Variants in KCNG3 observed in about 807,000 individuals in gnomAD.
KCNG3 encodes the protein voltage-gated potassium channel regulatory subunit KCNG3.
Under a neutral mutation model 29.0 loss-of-function variants are expected in KCNG3, and 15 were observed. The observed-to-expected ratio is 0.52, with a 90% confidence interval of 0.35 to 0.80. KCNG3 has a LOEUF of 0.80. KCNG3 is among the 30% of genes least tolerant of loss of function. KCNG3 has a pLI of 0.01. For missense variants in KCNG3, 512 were observed against 605.7 expected, an observed-to-expected ratio of 0.85 and a Z score of 1.62; for synonymous variants, 322 against 248.9, an observed-to-expected ratio of 1.29 and a Z score of -2.76.
the KCNG3 span, among the ~76,000 whole-genome samples, chr2:42,429,823 A>C: frequency 6.6e-6 from 1 of 152,192 alleles, no homozygotes; most frequent in South Asian, 2.1e-4. Flanking sequence ...CGAGTAGAGA[A>C]GATACGGGAA....
intron 1 of KCNG3, among the ~76,000 whole-genome samples, chr2:42,454,185 G>A (rs1369130372): frequency 6.6e-6 from 1 of 151,306 alleles, no homozygotes; most frequent in Non-Finnish European, 1.5e-5. Flanking sequence ...ATGCATAACA[G>A]TATGGAGGTT....
In KCNG3 at chr2:42,493,944, G is replaced by T. The variant is rs1244941634; in HGVS notation, c.-443C>A. On this transcript the variant is annotated 5_prime_UTR_variant, in exon 1 of 2. Transcript: ENST00000306078. ...GGCGCTCCCTGCGGCCGCGAATCCGGCGGCCGCCCCGCCGCCGTCCAGAGG... is the reference window on the plus strand; with the variant it reads ...GGCGCTCCCTGCGGCCGCGAATCCGTCGGCCGCCCCGCCGCCGTCCAGAGG... 1 of 155,034 alleles carries T rather than the reference G, an allele frequency of 6.5e-6. No homozygotes were observed. The highest frequency in any genetic ancestry group is 1.4e-5 in the Non-Finnish European group (1 of 70,180). 9.6% of individuals were successfully genotyped at this position (155,034 alleles called of 1,614,324 possible).
intron 1 of KCNG3, among the ~76,000 whole-genome samples, chr2:42,474,371 T>TA (rs1384333188): frequency 1.3e-5 from 2 of 151,604 alleles, no homozygotes; most frequent in Middle Eastern, 3.4e-3. Context: ...CTACTAAAAA[T>TA]ACAAAAATTA....
chr2:42,434,526 A>C, the KCNG3 span, among the ~76,000 whole-genome samples: 1 of 150,760 alleles, frequency 6.6e-6, no homozygotes, highest in Non-Finnish European at 1.5e-5. Flanking sequence ...TAAAAAATAA[A>C]CAAAGAAATA....
chr2:42,408,274 G>A, the KCNG3 span, among the ~76,000 whole-genome samples: 3 of 152,168 alleles, frequency 2.0e-5, no homozygotes, highest in Non-Finnish European at 2.9e-5. Flanking sequence ...CCACCTTCAG[G>A]CCACATAGGG....
chr2:42,417,774 C>G, the KCNG3 span, among the ~76,000 whole-genome samples: 11 of 152,026 alleles, frequency 7.2e-5, no homozygotes, highest in East Asian at 2.1e-3. Flanking sequence ...AGTTTGAGAC[C>G]AGCCTGGCCA....
chr2:42,389,992 G>A, the KCNG3 span, among the ~76,000 whole-genome samples: 3 of 152,200 alleles, frequency 2.0e-5, no homozygotes, highest in Non-Finnish European at 4.4e-5. Flanking sequence ...CAGTGCCAGA[G>A]ATTTAGAGAA....
chr2:42,448,786 G>C (rs1217202984), intron 1 of KCNG3, among the ~76,000 whole-genome samples: 2 of 152,064 alleles, frequency 1.3e-5, no homozygotes, highest in Non-Finnish European at 2.9e-5. Flanking sequence ...TCAAGAGATC[G>C]AGACCACAGT....
At chr2:42,452,949 T>C (rs546474383) in intron 1 of KCNG3, among the ~76,000 whole-genome samples, 1 of 152,202 alleles carries the variant, frequency 6.6e-6, no homozygotes, top group Non-Finnish European at 1.5e-5. Context: ...GCCGGGGTAA[T>C]TTTTGTATTT....
intron 1 of KCNG3, among the ~76,000 whole-genome samples, chr2:42,449,357 A>G (rs950291731): frequency 6.6e-6 from 1 of 152,078 alleles, no homozygotes; most frequent in African/African-American, 2.4e-5. Flanking sequence ...GTTTTATTGG[A>G]ACACAGCCAT....
At chr2:42,417,843 G>A in the KCNG3 span, among the ~76,000 whole-genome samples, 17 of 151,864 alleles carry the variant, frequency 1.1e-4, no homozygotes, top group Non-Finnish European at 8.8e-5. Flanking sequence ...TTGGTGGCGT[G>A]CGCCTGTAGT....
At chr2:42,485,777 T>C (rs956531111) in intron 1 of KCNG3, among the ~76,000 whole-genome samples, 6 of 152,282 alleles carry the variant, frequency 3.9e-5, no homozygotes, top group African/African-American at 1.4e-4. Context: ...AAACAACTTG[T>C]CTATATGTTA....
At chr2:42,479,541 G>A (rs1355267422) in intron 1 of KCNG3, among the ~76,000 whole-genome samples, 1 of 151,914 alleles carries the variant, frequency 6.6e-6, no homozygotes, top group Admixed American at 6.6e-5. Flanking sequence ...AGCCACTTGG[G>A]GGGCTGAGGC....
chr2:42,493,040 C>T lies in KCNG3; in HGVS notation c.462G>A (p.Leu154=), dbSNP rs1190434244. ...CCTCGAAGGTCCGCCGCATGCGCTC[C>T]AGCCAGCGCCTGGAGGGAGCCGCCT... ...GAEAAPSRRW[L]ERMRRTFEEP... is the part of the protein sequence containing the mutation. Residue 154 remains leucine, a synonymous_variant, in exon 1 of 2, where the codon CTG becomes CTA. Coordinates refer to ENST00000306078, the MANE Select transcript of KCNG3 (RefSeq NM_133329.6). 1 of 1,518,552 alleles carries T rather than the reference C, an allele frequency of 6.6e-7. No individual in the cohort carries two copies. The highest frequency in any genetic ancestry group is 1.2e-5 in the South Asian group (1 of 80,736). 94.1% of individuals were successfully genotyped at this position (1,518,552 alleles called of 1,614,324 possible). A position where few individuals can be genotyped will look rare whatever the true frequency, so the allele number is the denominator to read the frequency against.
At chr2:42,485,846 T>C (rs1673707469) in intron 1 of KCNG3, among the ~76,000 whole-genome samples, 1 of 152,238 alleles carries the variant, frequency 6.6e-6, no homozygotes, top group South Asian at 2.1e-4. Context: ...CAGATGTTAC[T>C]AGAAGGCAAA....
chr2:42,419,345 C>T, the KCNG3 span, among the ~76,000 whole-genome samples: 3 of 145,344 alleles, frequency 2.1e-5, no homozygotes, highest in Non-Finnish European at 4.5e-5. Flanking sequence ...TCAAGCGATT[C>T]TCCTGCCTCA....
At chr2:42,401,500 G>A in the KCNG3 span, among the ~76,000 whole-genome samples, 8 of 151,768 alleles carry the variant, frequency 5.3e-5, no homozygotes, top group East Asian at 1.9e-4. Context: ...GGAGTGCAGC[G>A]GTGCAATCAC....
At chr2:42,491,376 T>G (rs1250110621) in intron 1 of KCNG3, among the ~76,000 whole-genome samples, 2 of 152,212 alleles carry the variant, frequency 1.3e-5, no homozygotes, top group Non-Finnish European at 2.9e-5. Context: ...TCCCTCATTA[T>G]CTGCACTAAT....
chr2:42,477,388 TACACACACAC>T (rs1210808896), intron 1 of KCNG3, among the ~76,000 whole-genome samples: 1,861 of 104,768 alleles, frequency 0.018, 19 homozygotes, highest in Non-Finnish European at 0.026. Context: ...CACATATATA[TACACACACAC>T]ACACACACAC....
Sources: gnomAD v4.1 joint callset for allele counts (sites outside exome capture counted in the v4.1 genomes callset) on GRCh38, gnomAD v4.1.1 for gene constraint, MANE v1.5 for transcripts, NCBI Gene and HGNC (gene_info 2026-07-23, HGNC 2026-07-21) for gene names.